SMOC1: variants seen among roughly 807,000 people sequenced by gnomAD.
SMOC1 encodes SPARC-related modular calcium-binding protein 1.
SMOC1 carries 22 observed loss-of-function variants against 56.3 expected under a neutral mutation model. That is an observed-to-expected ratio of 0.39 (90% CI 0.28 to 0.56). The LOEUF is 0.56. SMOC1 is among the 20% of genes least tolerant of loss of function. The probability of loss-of-function intolerance (pLI) is 0.61; values close to 1 mark genes in which losing one functional copy is unlikely to be tolerated. For synonymous variants in SMOC1, 193 were observed against 215.0 expected (o/e 0.90, Z 0.89); for missense variants, 509 against 565.4 (o/e 0.90, Z 1.01).
At chr14:69,951,247 T>C (rs1208788562) in intron 1 of SMOC1, among the ~76,000 whole-genome samples, 1 of 152,064 alleles carries the variant, frequency 6.6e-6, no homozygotes, top group African/African-American at 2.4e-5. Context: ...AACTTTGAAG[T>C]CCCCAGACAC....
At chr14:69,914,664 CAG>C in intron 1 of SMOC1, among the ~76,000 whole-genome samples, 1 of 152,208 alleles carries the variant, frequency 6.6e-6, no homozygotes, top group Middle Eastern at 3.4e-3. Flanking sequence ...GCCCAGTGAC[CAG>C]AGATATCTGT....
At chr14:69,912,257 C>T (rs1206062163) in intron 1 of SMOC1, among the ~76,000 whole-genome samples, 5 of 152,030 alleles carry the variant, frequency 3.3e-5, no homozygotes, top group Non-Finnish European at 1.5e-5. Context: ...TTTCCTTTTC[C>T]TTTAAATTTT....
intron 4 of SMOC1, among the ~76,000 whole-genome samples, chr14:69,977,456 G>A (rs902591045): frequency 3.3e-5 from 5 of 152,166 alleles, no homozygotes; most frequent in Non-Finnish European, 5.9e-5. Context: ...ATGGAGAATC[G>A]CTGATTTCCT....
At chr14:69,943,867 T>G (rs1190834780) in intron 1 of SMOC1, among the ~76,000 whole-genome samples, 1 of 152,222 alleles carries the variant, frequency 6.6e-6, no homozygotes, top group Non-Finnish European at 1.5e-5. Flanking sequence ...CCCAAACCAC[T>G]GTTGCCAGAG....
chr14:70,028,474 T>C (rs2139629228), intron 11 of SMOC1, among the ~76,000 whole-genome samples: 1 of 152,320 alleles, frequency 6.6e-6, no homozygotes, highest in South Asian at 2.1e-4. Context: ...AGTTTCATCA[T>C]CCTAAGATGG....
In SMOC1 at chr14:70,010,963, GGGTCCT is replaced by G; in HGVS notation, c.857+20_857+25del. On this transcript the variant is annotated intron_variant, in intron 8 of 11. Transcript: ENST00000361956. ...CTCCACACGGTAAGCCCCCCAGACT[GGGTCCT>G]GGGAAAAACGCACCTGCTGGCTGTT... The G allele has an allele frequency of 1.9e-6, 3 of 1,611,774 alleles. No homozygotes were observed. Among genetic ancestry groups the G allele is most frequent in the Non-Finnish European group, 2.5e-6 (3 of 1,179,896 alleles).
chr14:69,930,828 A>G (rs1885147651), intron 1 of SMOC1, among the ~76,000 whole-genome samples: 1 of 152,150 alleles, frequency 6.6e-6, no homozygotes, highest in East Asian at 1.9e-4. Context: ...ATTCCATTGC[A>G]TTTGCTGAAG....
At chr14:70,023,829 A>ATGTG (rs57688603) in intron 11 of SMOC1, among the ~76,000 whole-genome samples, 1,624 of 145,022 alleles carry the variant, frequency 0.011, 16 homozygotes, top group African/African-American at 0.037. Flanking sequence ...GAGTGTGTGT[A>ATGTG]TGTGTGTGTG....
At chr14:69,992,129 A>T (rs1884588061) in intron 5 of SMOC1, among the ~76,000 whole-genome samples, 1 of 152,176 alleles carries the variant, frequency 6.6e-6, no homozygotes, top group Admixed American at 6.5e-5. Flanking sequence ...TCATACTGGT[A>T]TCCTCAGATT....
At chr14:69,923,438 A>G (rs1884906179) in intron 1 of SMOC1, among the ~76,000 whole-genome samples, 1 of 152,234 alleles carries the variant, frequency 6.6e-6, no homozygotes, top group Non-Finnish European at 1.5e-5. Context: ...GGGTAATAGC[A>G]TGGACCAGAA....
chr14:69,935,807 C>T (rs1207974173), intron 1 of SMOC1, among the ~76,000 whole-genome samples: 1 of 152,216 alleles, frequency 6.6e-6, no homozygotes, highest in Non-Finnish European at 1.5e-5. Flanking sequence ...GTCCACAGGA[C>T]CATGAGGGGC....
chr14:69,920,849 G>A (rs905744543), intron 1 of SMOC1, among the ~76,000 whole-genome samples: 5 of 152,270 alleles, frequency 3.3e-5, no homozygotes, highest in Admixed American at 6.5e-5. Context: ...GGAGGGAGGC[G>A]TTCTAGGCAG....
chr14:69,898,653 C>A (rs896451641), intron 1 of SMOC1, among the ~76,000 whole-genome samples: 2 of 152,018 alleles, frequency 1.3e-5, no homozygotes, highest in African/African-American at 4.8e-5. Context: ...TCAGAATTTC[C>A]ATTTCTCTGT....
At chr14:69,970,401 T>A (rs1041739396) in intron 3 of SMOC1, among the ~76,000 whole-genome samples, 3 of 152,184 alleles carry the variant, frequency 2.0e-5, no homozygotes, top group African/African-American at 7.2e-5. Context: ...ATTGGTGACC[T>A]CTAAGGCTTT....
chr14:70,004,224 G>A (rs192942588), intron 7 of SMOC1, among the ~76,000 whole-genome samples: 430 of 152,180 alleles, frequency 2.8e-3, no homozygotes, highest in African/African-American at 9.1e-3. Context: ...CAGTTCTTCC[G>A]CGTATGGTTC....
At chr14:69,939,216 T>A (rs191345466) in intron 1 of SMOC1, among the ~76,000 whole-genome samples, 1 of 152,280 alleles carries the variant, frequency 6.6e-6, no homozygotes, top group East Asian at 1.9e-4. Context: ...TAGACTCACA[T>A]TCAGCAGGGC....
intron 1 of SMOC1, among the ~76,000 whole-genome samples, chr14:69,949,874 G>A (rs549060983): frequency 6.6e-6 from 1 of 152,320 alleles, no homozygotes; most frequent in East Asian, 1.9e-4. Flanking sequence ...GCAACTCGAG[G>A]GGGGTTGAGG....
chr14:69,923,135 C>T (rs934199431), intron 1 of SMOC1, among the ~76,000 whole-genome samples: 16 of 151,756 alleles, frequency 1.1e-4, no homozygotes, highest in Non-Finnish European at 1.5e-4. Context: ...TTAGTAGAGA[C>T]GGGGTTTCAC....
chr14:69,935,547 G>A (rs1403293898), intron 1 of SMOC1, among the ~76,000 whole-genome samples: 1 of 152,188 alleles, frequency 6.6e-6, no homozygotes, highest in Admixed American at 6.5e-5. Flanking sequence ...CTAGTTTGCT[G>A]GGGTCTCTTT....
Sources: gnomAD v4.1 joint callset for allele counts (sites outside exome capture counted in the v4.1 genomes callset) on GRCh38, gnomAD v4.1.1 for gene constraint, MANE v1.5 for transcripts, NCBI Gene and HGNC (gene_info 2026-07-23, HGNC 2026-07-21) for gene names.